The following NPLOC4 variants were observed in gnomAD, a reference collection of about 807,000 sequenced individuals.
NPLOC4 encodes the protein nuclear protein localization protein 4 homolog.
Under a neutral mutation model 80.6 loss-of-function variants are expected in NPLOC4, and 18 were observed. The observed-to-expected ratio is 0.22, with a 90% CI of 0.15 to 0.33. The LOEUF (loss-of-function observed/expected upper bound fraction) is 0.33, where lower values mean the gene tolerates loss of function less well. NPLOC4 is among the 10% of genes least tolerant of loss of function. NPLOC4 has a pLI of 1.00. For synonymous variants in NPLOC4, 313 were observed against 301.5 expected (o/e 1.04, Z -0.39); for missense variants, 540 against 786.1 (o/e 0.69, Z 3.74).
In NPLOC4 at chr17:81,568,283, G is replaced by A. The variant is rs116909274; in HGVS notation, c.1449+733C>T. 4.1e-3 allele frequency among the ~76,000 whole-genome samples: 630 copies of A among 152,258 alleles called. 2 individuals carry two copies. The highest frequency in any genetic ancestry group is 7.2e-3 in the Non-Finnish European group (493 of 68,010). On this transcript the variant is annotated intron_variant, in intron 14 of 16. Coordinates refer to ENST00000331134, the MANE Select transcript of NPLOC4 (RefSeq NM_017921.4). The stretch of plus-strand genomic sequence containing the variant: ...GAGGAATGTGCAGGGCAGCCGTGAT[G>A]CAGCACGGACATCTTCAGCAGAACC...
In NPLOC4 at chr17:81,600,396, T is replaced by A; in HGVS notation, c.866A>T (p.Glu289Val). Residue 289 changes from glutamate (E) to valine (V), a missense_variant, in exon 9 of 17, where the codon GAG becomes GTG. This residue lies in a region of NPLOC4 where 251 missense variants were observed against 377.5 expected (regional missense o/e 0.66). Transcript: ENST00000331134. ...ATCGACCACTTCAGCTTTTGGATCC[T>A]CAAGAAGCTCCAAGCTGTTCTGTGT... Reference protein sequence around the residue: ...IGTQNSLELLEDPKAEVVDEI... With the variant: ...IGTQNSLELLVDPKAEVVDEI... 1 of 1,612,708 alleles carries A rather than the reference T, an allele frequency of 6.2e-7. No homozygotes were observed. Among genetic ancestry groups the A allele is most frequent in the Non-Finnish European group, 8.5e-7 (1 of 1,179,428 alleles).
intron 11 of NPLOC4, among the ~76,000 whole-genome samples, chr17:81,594,270 GTCTC>G: frequency 1.9e-5 from 1 of 51,582 alleles, no homozygotes; most frequent in African/African-American, 7.8e-5. Flanking sequence ...GCGAGACTCC[GTCTC>G]AAAAAAAAAA....
chr17:81,634,678 C>T (rs1187978573), intron 1 of NPLOC4, among the ~76,000 whole-genome samples: 1 of 151,900 alleles, frequency 6.6e-6, no homozygotes, highest in Non-Finnish European at 1.5e-5. Context: ...CTCCACCTCC[C>T]GGGTTTGAGC....
At chr17:81,569,681 T>C (rs2034107145) in intron 13 of NPLOC4, among the ~76,000 whole-genome samples, 1 of 152,126 alleles carries the variant, frequency 6.6e-6, no homozygotes, top group African/African-American at 2.4e-5. Flanking sequence ...CAGGGGTGAA[T>C]GTAAGGCCCT....
intron 1 of NPLOC4, among the ~76,000 whole-genome samples, chr17:81,631,861 G>C (rs62074739): frequency 0.11 from 16,937 of 151,810 alleles, 1,048 homozygotes; most frequent in Middle Eastern, 0.18. Flanking sequence ...GTACAATGGC[G>C]CAATCTTGGC....
intron 11 of NPLOC4, among the ~76,000 whole-genome samples, chr17:81,595,537 T>A (rs111647845): frequency 0.077 from 11,276 of 147,274 alleles, 576 homozygotes; most frequent in Admixed American, 0.15. Context: ...TATATATATT[T>A]TTTTTTTCTT....
intron 3 of NPLOC4, among the ~76,000 whole-genome samples, chr17:81,616,159 A>G (rs1014370341): frequency 3.3e-5 from 5 of 151,274 alleles, no homozygotes; most frequent in Non-Finnish European, 7.4e-5. Flanking sequence ...TCTGCTAAAA[A>G]TAAAAAAAAA....
At chr17:81,599,014 C>A (rs1202172856) in intron 9 of NPLOC4, among the ~76,000 whole-genome samples, 1 of 152,202 alleles carries the variant, frequency 6.6e-6, no homozygotes. Flanking sequence ...TTAGGCCAGG[C>A]ACGGTGGCTC....
intron 15 of NPLOC4, chr17:81,566,607 T>C (rs2144034529): frequency 6.6e-6 from 1 of 152,310 alleles, no homozygotes; most frequent in East Asian, 1.9e-4. Context: ...GTGAGTGGTT[T>C]TGAGACAAAA....
intron 7 of NPLOC4, 104 bp downstream of exon 7, chr17:81,606,587 T>C: frequency 8.2e-7 from 1 of 1,218,078 alleles, no homozygotes. Flanking sequence ...GTACTGAAAA[T>C]CCACCACGCA....
chr17:81,595,004 A>G (rs961175056), intron 11 of NPLOC4, among the ~76,000 whole-genome samples: 3 of 152,110 alleles, frequency 2.0e-5, no homozygotes, highest in Non-Finnish European at 4.4e-5. Context: ...ATATGCAGCA[A>G]AGTGCAAAAA....
chr17:81,592,256 A>G (rs2034771023), intron 11 of NPLOC4, among the ~76,000 whole-genome samples: 1 of 152,186 alleles, frequency 6.6e-6, no homozygotes, highest in Non-Finnish European at 1.5e-5. Flanking sequence ...CAACAGCGCT[A>G]TGGGGTCCCC....
chr17:81,607,222 T>G (rs1227997318), intron 6 of NPLOC4, among the ~76,000 whole-genome samples: 1 of 152,198 alleles, frequency 6.6e-6, no homozygotes, highest in Non-Finnish European at 1.5e-5. Context: ...TACTTAGATA[T>G]TTGTAAAAAA....
chr17:81,604,821 C>G, intron 7 of NPLOC4, 94 bp from the exon 8 acceptor site: 1 of 1,201,752 alleles, frequency 8.3e-7, no homozygotes, highest in Admixed American at 2.5e-5. Context: ...TATCTTTTAC[C>G]TAGTTCTTTA....
rs1303959686 is a variant in NPLOC4, at chr17:81,569,150, G to A, written c.1354-39C>T. The A allele has an allele frequency of 2.8e-6, 4 of 1,427,878 alleles. No individual in the cohort carries two copies. In the East Asian group the frequency reaches 9.1e-5, roughly 33 times the overall value. 88.5% of individuals were successfully genotyped at this position (1,427,878 alleles called of 1,614,324 possible). A position where few individuals can be genotyped will look rare whatever the true frequency, so the allele number is the denominator to read the frequency against. On this transcript the variant is annotated intron_variant, in intron 13 of 16. Transcript: ENST00000331134. ...ACACAAACCCATGATAAATGAGGCT[G>A]AAAATGGTGTGGCCGACTCCCAGCC...
chr17:81,599,309 A>G (rs545472301), intron 9 of NPLOC4, among the ~76,000 whole-genome samples: 2 of 152,146 alleles, frequency 1.3e-5, no homozygotes, highest in Non-Finnish European at 2.9e-5. Context: ...AAAATAAAAT[A>G]AAAAGAGAAA....
intron 3 of NPLOC4, among the ~76,000 whole-genome samples, chr17:81,616,505 A>G (rs570299897): frequency 6.6e-6 from 1 of 151,792 alleles, no homozygotes; most frequent in Non-Finnish European, 1.5e-5. Context: ...CCGAGGCAGG[A>G]GGATCATGAG....
intron 1 of NPLOC4, among the ~76,000 whole-genome samples, chr17:81,635,051 A>T (rs920663788): frequency 3.3e-5 from 5 of 152,048 alleles, no homozygotes; most frequent in Non-Finnish European, 5.9e-5. Flanking sequence ...TTAATTAAAA[A>T]GATTTAAAGG....
At position 81,588,911 on chromosome 17, in the gene NPLOC4, T is replaced by C. The variant is rs756502733; in HGVS notation, c.1281+33A>G. The C allele has an allele frequency of 3.8e-6, 6 of 1,593,472 alleles. No homozygotes were observed. The South Asian group carries it at 4.5e-5, about 12-fold the overall frequency. On this transcript the variant is annotated intron_variant, in intron 12 of 16. Transcript: ENST00000331134. ...CAAGACAGGTTCACACCATTCTCCA[T>C]GTACAGAGTTCTTTTTCTTACCATA...
Sources: gnomAD v4.1 joint callset for allele counts (sites outside exome capture counted in the v4.1 genomes callset) on GRCh38, gnomAD v4.1.1 for gene constraint, gnomAD v4.1.1 regional missense constraint, MANE v1.5 for transcripts, NCBI Gene and HGNC (gene_info 2026-07-23, HGNC 2026-07-21) for gene names.